The following PLGRKT variants were observed in gnomAD, a reference collection of about 807,000 sequenced individuals.
PLGRKT encodes the protein plasminogen receptor with a C-terminal lysine.
PLGRKT carries 22 observed loss-of-function variants against 18.5 expected under a neutral mutation model. The ratio of observed to expected loss-of-function variants is 1.19; its 90% CI spans 0.85 to 1.70. The LOEUF (loss-of-function observed/expected upper bound fraction) is 1.70, where lower values mean the gene tolerates loss of function less well. Ranked by LOEUF, PLGRKT falls within the 40% of genes most tolerant of loss-of-function variation. The pLI is 0.00. For missense variants in PLGRKT, 235 were observed against 174.4 expected (o/e 1.35, Z -1.96); for synonymous variants, 72 against 52.8 (o/e 1.36, Z -1.58).
chr9:5,403,274 A>C (rs901297135), intron 3 of PLGRKT, among the ~76,000 whole-genome samples: 1 of 140,254 alleles, frequency 7.1e-6, no homozygotes, highest in Non-Finnish European at 1.5e-5. Context: ...CCCAAGCTGG[A>C]GTACAATGGT....
At chr9:5,417,342 G>T (rs906027178) in intron 3 of PLGRKT, among the ~76,000 whole-genome samples, 1 of 152,140 alleles carries the variant, frequency 6.6e-6, no homozygotes, top group Non-Finnish European at 1.5e-5. Flanking sequence ...AAAGAGTAAA[G>T]TTGGACCCTT....
At chr9:5,435,859 C>G (rs1317199801) in intron 2 of PLGRKT, among the ~76,000 whole-genome samples, 1 of 152,214 alleles carries the variant, frequency 6.6e-6, no homozygotes, top group Non-Finnish European at 1.5e-5. Flanking sequence ...CCCAAGTATT[C>G]TGTGGGAAGC....
chr9:5,408,151 G>A (rs1418976372), intron 3 of PLGRKT, among the ~76,000 whole-genome samples: 2 of 152,212 alleles, frequency 1.3e-5, no homozygotes, highest in African/African-American at 4.8e-5. Context: ...CACACTGAAA[G>A]TGGCTTTCGA....
chr9:5,383,242 C>T (rs769027519), intron 3 of PLGRKT, among the ~76,000 whole-genome samples: 4 of 152,184 alleles, frequency 2.6e-5, no homozygotes, highest in Non-Finnish European at 4.4e-5. Flanking sequence ...TTCAGAGAGA[C>T]GGTGGGCTTG....
chr9:5,397,638 G>T lies in PLGRKT; in HGVS notation c.81+34259C>A, dbSNP rs188821780. ...AAAAGGGAGGGAAGAGGGGAGAGAG[G>T]GAAGAAGGAAGCAAGCAATGGTCAG... On this transcript the variant is annotated intron_variant, in intron 3 of 5. Transcript: ENST00000223864. 2.0e-4 allele frequency among the ~76,000 whole-genome samples: 30 copies of T among 150,290 alleles called. No individual in the cohort carries two copies. The East Asian group carries it at 5.8e-3, about 29-fold the overall frequency.
At chr9:5,433,498 C>A (rs1327462817) in intron 2 of PLGRKT, among the ~76,000 whole-genome samples, 1 of 149,740 alleles carries the variant, frequency 6.7e-6, no homozygotes, top group African/African-American at 2.5e-5. Flanking sequence ...GCCTGACCAC[C>A]CATCGTCTGG....
intron 3 of PLGRKT, among the ~76,000 whole-genome samples, chr9:5,421,320 T>C (rs1011645993): frequency 4.6e-5 from 7 of 152,202 alleles, no homozygotes; most frequent in Admixed American, 2.6e-4. Flanking sequence ...TGCTCAAAGG[T>C]CACCTTCTGA....
chr9:5,429,553 T>G lies in PLGRKT; in HGVS notation c.81+2344A>C, dbSNP rs780090599. 3.6e-4 allele frequency among the ~76,000 whole-genome samples: 55 copies of G among 152,244 alleles called. 2 individuals are homozygous for G. Among genetic ancestry groups the G allele is most frequent in the Non-Finnish European group, 3.8e-4 (26 of 68,036 alleles). Reference sequence around the variant, plus strand: ...GCCCCTTCCTTGGCTTGTAAACAGCTGTCTTCATATTCACATTGTATGGTC... The same window carrying G: ...GCCCCTTCCTTGGCTTGTAAACAGCGGTCTTCATATTCACATTGTATGGTC... On this transcript the variant is annotated intron_variant, in intron 3 of 5. Coordinates refer to ENST00000223864, the MANE Select transcript of PLGRKT (RefSeq NM_018465.4).
intron 4 of PLGRKT, among the ~76,000 whole-genome samples, 164 bp from the exon 5 acceptor site, chr9:5,361,351 A>C (rs1372738877): frequency 6.6e-6 from 1 of 152,184 alleles, no homozygotes; most frequent in Non-Finnish European, 1.5e-5. Context: ...TTCCTTACCC[A>C]ATACCCCTAA....
chr9:5,411,266 T>C (rs1414715553), intron 3 of PLGRKT, among the ~76,000 whole-genome samples: 1 of 151,746 alleles, frequency 6.6e-6, no homozygotes, highest in Non-Finnish European at 1.5e-5. Flanking sequence ...GCGTCTATAA[T>C]TCCAGCTACT....
intron 3 of PLGRKT, among the ~76,000 whole-genome samples, chr9:5,422,558 C>A (rs1051574010): frequency 1.3e-5 from 2 of 152,290 alleles, no homozygotes; most frequent in African/African-American, 4.8e-5. Flanking sequence ...ACTTAGGAGT[C>A]ATAATAATCA....
intron 3 of PLGRKT, among the ~76,000 whole-genome samples, chr9:5,426,952 G>A (rs886565795): frequency 4.6e-5 from 7 of 152,104 alleles, no homozygotes; most frequent in Non-Finnish European, 5.9e-5. Flanking sequence ...TCTGTGCTAC[G>A]AGTAATAAAG....
At chr9:5,396,316 C>T (rs377677421) in intron 3 of PLGRKT, among the ~76,000 whole-genome samples, 2 of 151,932 alleles carry the variant, frequency 1.3e-5, no homozygotes, top group South Asian at 2.1e-4. Context: ...GACAGGGTGT[C>T]ACTCTGTAGC....
At chr9:5,401,131 G>A (rs1450614815) in intron 3 of PLGRKT, among the ~76,000 whole-genome samples, 1 of 151,818 alleles carries the variant, frequency 6.6e-6, no homozygotes, top group Non-Finnish European at 1.5e-5. Flanking sequence ...GTGGCCAATA[G>A]GGGAATTTAA....
intron 3 of PLGRKT, among the ~76,000 whole-genome samples, chr9:5,400,046 G>A (rs2131126276): frequency 6.6e-6 from 1 of 151,886 alleles, no homozygotes; most frequent in Admixed American, 6.6e-5. Flanking sequence ...CAGCTCTTAA[G>A]GTGGTGGTAG....
intron 3 of PLGRKT, among the ~76,000 whole-genome samples, chr9:5,407,204 T>G (rs553490044): frequency 8.1e-4 from 124 of 152,270 alleles, no homozygotes; most frequent in African/African-American, 2.4e-3. Context: ...TAACAAAAAT[T>G]CAGATGCTAA....
intron 3 of PLGRKT, chr9:5,392,320 T>C (rs757048089): frequency 6.6e-6 from 1 of 151,974 alleles, no homozygotes; most frequent in African/African-American, 2.4e-5. Flanking sequence ...TGAACTGCCA[T>C]TGACAATCAG....
intron 5 of PLGRKT, 137 bp from the exon 6 acceptor site, chr9:5,358,497 T>G: frequency 1.6e-6 from 1 of 621,060 alleles, no homozygotes; most frequent in South Asian, 2.6e-5. Context: ...AACATTTTCC[T>G]CAGGAGAAGT....
intron 3 of PLGRKT, among the ~76,000 whole-genome samples, chr9:5,406,003 A>G (rs1310633128): frequency 6.6e-6 from 1 of 152,206 alleles, no homozygotes; most frequent in Non-Finnish European, 1.5e-5. Context: ...CAAACATATG[A>G]AAAAAAGCTC....
Sources: allele counts gnomAD v4.1 joint callset (sites outside exome capture counted in the v4.1 genomes callset), GRCh38; gene constraint gnomAD v4.1.1; transcripts MANE v1.5; gene names NCBI Gene and HGNC (gene_info 2026-07-23, HGNC 2026-07-21).